Variants in APBB2 observed in about 807,000 individuals in gnomAD.
APBB2 encodes Fe65-like 1.
APBB2 carries 38 observed loss-of-function variants against 82.5 expected under a neutral mutation model. The observed-to-expected ratio is 0.46, with a 90% CI of 0.36 to 0.60. The LOEUF (loss-of-function observed/expected upper bound fraction) is 0.60. Ranked by LOEUF, APBB2 falls within the 20% of genes least tolerant of loss-of-function variation. The pLI, the probability that APBB2 is intolerant of heterozygous loss-of-function variation, is 0.00. For synonymous variants in APBB2, 341 were observed against 368.2 expected, an observed-to-expected ratio of 0.93 and a Z score of 0.85; for missense variants, 772 against 972.3, an observed-to-expected ratio of 0.79 and a Z score of 2.74.
At chr4:41,034,404 A>G (rs1718323379) in intron 4 of APBB2, among the ~76,000 whole-genome samples, 1 of 152,188 alleles carries the variant, frequency 6.6e-6, no homozygotes. Context: ...GGTTCACTGC[A>G]ACCTCCACCT....
chr4:40,954,225 G>A (rs1443911766), intron 6 of APBB2, among the ~76,000 whole-genome samples: 4 of 152,178 alleles, frequency 2.6e-5, no homozygotes, highest in Non-Finnish European at 4.4e-5. Flanking sequence ...CTCCTGCTGC[G>A]GAGGGCACAG....
chr4:41,052,766 CT>C (rs1466715123), intron 4 of APBB2, among the ~76,000 whole-genome samples: 13 of 141,006 alleles, frequency 9.2e-5, no homozygotes, highest in African/African-American at 2.4e-4. Context: ...TTCTTTCTTT[CT>C]TTCTTCTTTT....
intron 1 of APBB2, among the ~76,000 whole-genome samples, chr4:41,159,946 A>AGGAGGAGGAGGAGGAGGAGG (rs1560912851): frequency 2.1e-5 from 1 of 47,560 alleles, no homozygotes; most frequent in Non-Finnish European, 3.9e-5. Flanking sequence ...GGAGGAGGAG[A>AGGAGGAGGAGGAGGAGGAGG]AGGAGAAGGA....
intron 7 of APBB2, among the ~76,000 whole-genome samples, chr4:40,943,255 T>G (rs1251075829): frequency 1.3e-5 from 2 of 150,154 alleles, no homozygotes; most frequent in Non-Finnish European, 2.9e-5. Flanking sequence ...ATATGAATGC[T>G]GGCACCAAAT....
chr4:41,162,300 A>G (rs1426056158), intron 1 of APBB2, among the ~76,000 whole-genome samples: 5 of 151,152 alleles, frequency 3.3e-5, no homozygotes. Context: ...TATTTCTTAA[A>G]TTTCTTTTAA....
chr4:40,972,171 G>C (rs1356807536), intron 6 of APBB2, among the ~76,000 whole-genome samples: 2 of 152,094 alleles, frequency 1.3e-5, no homozygotes, highest in African/African-American at 2.4e-5. Context: ...GCTCATGCTT[G>C]TAATCCCAGC....
chr4:40,863,760 G>A (rs1000922673), intron 12 of APBB2, among the ~76,000 whole-genome samples: 1 of 151,948 alleles, frequency 6.6e-6, no homozygotes, highest in African/African-American at 2.4e-5. Flanking sequence ...GGTTGTGATG[G>A]TGCACGCCAG....
chr4:41,006,319 T>C (rs1054454315), intron 6 of APBB2, among the ~76,000 whole-genome samples: 1 of 152,200 alleles, frequency 6.6e-6, no homozygotes, highest in Non-Finnish European at 1.5e-5. Context: ...CCTTCTTGAA[T>C]TCTTCCTGTC....
At chr4:40,889,228 C>T (rs1292151814) in intron 12 of APBB2, among the ~76,000 whole-genome samples, 1 of 152,250 alleles carries the variant, frequency 6.6e-6, no homozygotes, top group African/African-American at 2.4e-5. Context: ...GACCATTTCT[C>T]ATGTCTGGTT....
intron 6 of APBB2, among the ~76,000 whole-genome samples, chr4:40,996,687 T>C (rs1560485281): frequency 6.6e-6 from 1 of 152,204 alleles, no homozygotes; most frequent in Non-Finnish European, 1.5e-5. Context: ...TATTTGATTC[T>C]ACTCACTCCC....
At chr4:41,039,095 G>A (rs894252285) in intron 4 of APBB2, among the ~76,000 whole-genome samples, 6 of 152,156 alleles carry the variant, frequency 3.9e-5, no homozygotes. Flanking sequence ...GGAATACATA[G>A]TATATATTAA....
At position 41,042,297 on chromosome 4, in the gene APBB2, A is replaced by C. The variant is rs553186417; in HGVS notation, c.-50-8993T>G. Among the ~76,000 whole-genome samples the C allele has an allele frequency of 2.0e-5, 3 of 152,286 alleles. No homozygotes were observed. In the South Asian group the frequency reaches 6.2e-4, roughly 32 times the overall value. ...AGCCACCGTGCCCGGCCTGATCCCC[A>C]ACTTTCATATTCCAAAGGCATTAAC... On this transcript the variant is annotated intron_variant, in intron 4 of 17. Transcript: ENST00000508593.
At chr4:41,004,759 C>A (rs1180204101) in intron 6 of APBB2, among the ~76,000 whole-genome samples, 3 of 136,148 alleles carry the variant, frequency 2.2e-5, no homozygotes, top group South Asian at 2.5e-4. Context: ...ATGGCGTGAA[C>A]CTGGGAGGCG....
chr4:40,988,113 T>G (rs1436423706), intron 6 of APBB2, among the ~76,000 whole-genome samples: 1 of 152,206 alleles, frequency 6.6e-6, no homozygotes, highest in Non-Finnish European at 1.5e-5. Context: ...ATGGTCACCA[T>G]GACTAAGTGA....
At chr4:41,016,717 C>T (rs1810067895) in intron 5 of APBB2, among the ~76,000 whole-genome samples, 1 of 151,730 alleles carries the variant, frequency 6.6e-6, no homozygotes, top group Non-Finnish European at 1.5e-5. Flanking sequence ...TCCCATTACC[C>T]TATCAGGGGC....
At chr4:41,195,972 A>G in intron 1 of APBB2, among the ~76,000 whole-genome samples, 2 of 152,306 alleles carry the variant, frequency 1.3e-5, no homozygotes, top group South Asian at 2.1e-4. Flanking sequence ...CATCCTGGCT[A>G]ACACGGTGAA....
chr4:40,827,314 C>T (rs1265285536), intron 13 of APBB2, 95 bp from the exon 14 acceptor site: 2 of 1,012,004 alleles, frequency 2.0e-6, no homozygotes, highest in Non-Finnish European at 3.1e-6. Context: ...ACTTCACTTC[C>T]AAGTTAGATC....
chr4:41,041,125 C>T (rs1394980473), intron 4 of APBB2, among the ~76,000 whole-genome samples: 1 of 152,094 alleles, frequency 6.6e-6, no homozygotes, highest in Non-Finnish European at 1.5e-5. Flanking sequence ...TGTGATTCCC[C>T]CACCTTGGCC....
chr4:40,810,058 A>G lies in APBB2; in HGVS notation c.*6034T>C, dbSNP rs1744117381. On this transcript the variant is annotated 3_prime_UTR_variant, in exon 18 of 18. Transcript: ENST00000508593. ...TTGAATTTAAAGTTTTATTTTTGCAATTCAGTTGTATAGAAATGTTACATA... is the reference window on the plus strand; with the variant it reads ...TTGAATTTAAAGTTTTATTTTTGCAGTTCAGTTGTATAGAAATGTTACATA... 6.6e-6 allele frequency: 1 copy of G among 152,188 alleles called. No individual in the cohort carries two copies. Among genetic ancestry groups the G allele is most frequent in the Non-Finnish European group, 1.5e-5 (1 of 68,028 alleles). 9.4% of individuals were successfully genotyped at this position (152,188 alleles called of 1,614,324 possible).
Sources: allele counts gnomAD v4.1 joint callset (sites outside exome capture counted in the v4.1 genomes callset), GRCh38; gene constraint gnomAD v4.1.1; transcripts MANE v1.5; gene names NCBI Gene and HGNC (gene_info 2026-07-23, HGNC 2026-07-21).